MRAP: variants seen among roughly 807,000 people sequenced by gnomAD.
The protein encoded by MRAP is melanocortin-2 receptor accessory protein.
In MRAP, 8 loss-of-function variants were observed where a neutral mutation model predicts 8.7. That is an observed-to-expected ratio of 0.92 (90% CI 0.54 to 1.66). The LOEUF (loss-of-function observed/expected upper bound fraction) is 1.66, where lower values mean the gene tolerates loss of function less well. MRAP is among the 40% of genes most tolerant of loss of function. The pLI is 0.00. For synonymous variants in MRAP, 95 were observed against 95.5 expected (o/e 1.00, Z 0.03); for missense variants, 237 against 217.1 (o/e 1.09, Z -0.58).
intron 1 of MRAP, among the ~76,000 whole-genome samples, chr21:32,305,407 C>G (rs1400670948): frequency 6.6e-6 from 1 of 152,178 alleles, no homozygotes; most frequent in Non-Finnish European, 1.5e-5. Flanking sequence ...AATCTTCACC[C>G]CAGAGCCTCC....
intron 1 of MRAP, among the ~76,000 whole-genome samples, chr21:32,300,471 CAG>C (rs567722829): frequency 3.6e-4 from 54 of 150,890 alleles, no homozygotes; most frequent in African/African-American, 6.6e-4. Context: ...CGTCTTATGT[CAG>C]GGGCGCCATG....
At chr21:32,294,136 A>G (rs1004705862), upstream of MRAP, among the ~76,000 whole-genome samples, 2 of 152,086 alleles carry the variant, frequency 1.3e-5, no homozygotes, top group African/African-American at 4.8e-5. Flanking sequence ...GTTTTTTGAG[A>G]CAGAGTCTTA....
chr21:32,296,742 A>C (rs938365842), upstream of MRAP, among the ~76,000 whole-genome samples: 6 of 152,210 alleles, frequency 3.9e-5, no homozygotes, highest in African/African-American at 1.4e-4. Context: ...CTAAACATAC[A>C]AAAAGTACAG....
intron 1 of MRAP, among the ~76,000 whole-genome samples, chr21:32,300,977 T>G (rs1313908765): frequency 6.8e-6 from 1 of 147,276 alleles, no homozygotes; most frequent in East Asian, 1.9e-4. Flanking sequence ...AGATGTATCA[T>G]ATTTCATATA....
At chr21:32,298,668 G>A (rs369617091), upstream of MRAP, among the ~76,000 whole-genome samples, 37 of 152,276 alleles carry the variant, frequency 2.4e-4, no homozygotes, top group East Asian at 6.0e-3. Context: ...TCCTCACACA[G>A]AGAGGGATCC....
chr21:32,300,992 GAT>G (rs200136228), intron 1 of MRAP, among the ~76,000 whole-genome samples: 2,743 of 140,828 alleles, frequency 0.019, 81 homozygotes, highest in African/African-American at 0.073. Flanking sequence ...CATATATCAT[GAT>G]ATATGATATG....
intron 1 of MRAP, among the ~76,000 whole-genome samples, chr21:32,301,314 T>C (rs1001822262): frequency 6.6e-5 from 10 of 152,284 alleles, no homozygotes; most frequent in Admixed American, 5.2e-4. Flanking sequence ...GTGTGATGTG[T>C]GGGTTAGCAC....
At chr21:32,293,625 C>T (rs1397297615) in intron 2 of MRAP, among the ~76,000 whole-genome samples, 1 of 152,190 alleles carries the variant, frequency 6.6e-6, no homozygotes, top group Admixed American at 6.5e-5. Flanking sequence ...CTCTAGATTT[C>T]TCCCTTCTAC....
At chr21:32,312,826 T>C (rs1601113168), downstream of MRAP, 1 of 152,358 alleles carries the variant, frequency 6.6e-6, no homozygotes, top group East Asian at 1.9e-4. Context: ...ATAGGTTTTA[T>C]TTTTAAAATA....
chr21:32,301,829 C>G (rs1164777966), intron 1 of MRAP, among the ~76,000 whole-genome samples: 1 of 152,136 alleles, frequency 6.6e-6, no homozygotes, highest in African/African-American at 2.4e-5. Flanking sequence ...ACAGTCTGTT[C>G]CTCTGCTTCT....
upstream of MRAP, among the ~76,000 whole-genome samples, chr21:32,296,153 C>T (rs896036155): frequency 2.6e-5 from 4 of 152,262 alleles, no homozygotes; most frequent in South Asian, 2.1e-4. Context: ...TTCTGTGCCT[C>T]GGTGGTATCC....
intron 1 of MRAP, among the ~76,000 whole-genome samples, chr21:32,305,550 G>A (rs1259690565): frequency 6.6e-6 from 1 of 152,140 alleles, no homozygotes; most frequent in African/African-American, 2.4e-5. Context: ...GTTGGGGGTG[G>A]AACATTGTGG....
Position 32,306,759 on chromosome 21 carries a change from A to C in MRAP, c.206+20A>C, listed in dbSNP as rs957167453. ...GATGAGGTGGGTAAGAAGGGGTGTG[A>C]GTCTGTGGGTCACTCAGACGCTCTC... On this transcript the variant is annotated intron_variant, in intron 2 of 2. Coordinates refer to ENST00000303645, the MANE Select transcript of MRAP (RefSeq NM_001379228.1). 1.9e-5 allele frequency: 31 copies of C among 1,593,688 alleles called. No homozygotes were observed. Among genetic ancestry groups the C allele is most frequent in the Admixed American group, 5.0e-5 (3 of 59,960 alleles).
In MRAP at chr21:32,306,709, A is replaced by G. The variant is rs2032427183; in HGVS notation, c.176A>G (p.Tyr59Cys). The G allele has an allele frequency of 1.9e-6, 3 of 1,613,904 alleles. No individual in the cohort carries two copies. In the Admixed American group the frequency reaches 5.0e-5, roughly 27 times the overall value. The change falls in exon 2 of 3, where the codon TAC becomes TGC. Residue 59 changes from tyrosine to cysteine, a missense_variant. Coordinates refer to ENST00000303645, the MANE Select transcript of MRAP (RefSeq NM_001379228.1). ...GTGCTGCTCTTCCTCATCTTGCTCT[A>G]CATGTCCTGGTCCGCCTCCCCGCAG... is the stretch of plus-strand genomic sequence containing the variant. ...FVVLLFLILL[Y>C]MSWSASPQMR...
intron 1 of MRAP, 92 bp downstream of exon 1, chr21:32,299,169 T>A: frequency 2.2e-6 from 2 of 890,656 alleles, no homozygotes; most frequent in East Asian, 2.6e-5. Flanking sequence ...ATTCACTTAT[T>A]AACTCCGGTA....
At position 32,306,456 on chromosome 21, in the gene MRAP, C is replaced by T. The variant is rs2032419302; in HGVS notation, c.107-184C>T. The T allele has an allele frequency of 5.6e-5, 37 of 660,802 alleles. No homozygotes were observed. The South Asian group carries it at 5.8e-4, about 10-fold the overall frequency. 40.9% of individuals were successfully genotyped at this position (660,802 alleles called of 1,614,324 possible). A position where few individuals can be genotyped will look rare whatever the true frequency, so the allele number is the denominator to read the frequency against. ...CCCTGAGGAAAAAGACACTTCTTGG[C>T]TCCCCTGTTCTTTCCCAAAGTTATT... On this transcript the variant is annotated intron_variant, in intron 1 of 2. Coordinates refer to ENST00000303645, the MANE Select transcript of MRAP (RefSeq NM_001379228.1).
intron 2 of MRAP, among the ~76,000 whole-genome samples, chr21:32,309,457 TTTTTTG>T (rs2032500332): frequency 1.3e-5 from 2 of 150,204 alleles, no homozygotes; most frequent in African/African-American, 5.0e-5. Flanking sequence ...TCATTTTTTT[TTTTTTG>T]TTTTTGAGAC....
At chr21:32,300,917 G>C (rs1447364863) in intron 1 of MRAP, among the ~76,000 whole-genome samples, 1 of 152,010 alleles carries the variant, frequency 6.6e-6, no homozygotes, top group Non-Finnish European at 1.5e-5. Context: ...ATGTGTCTAT[G>C]TGTCATGATA....
At chr21:32,305,760 T>C (rs999971959) in intron 1 of MRAP, among the ~76,000 whole-genome samples, 6 of 152,146 alleles carry the variant, frequency 3.9e-5, no homozygotes, top group African/African-American at 1.4e-4. Flanking sequence ...GATAAGACAC[T>C]TGCAGACCCT....
Sources: allele counts gnomAD v4.1 joint callset (sites outside exome capture counted in the v4.1 genomes callset), GRCh38; gene constraint gnomAD v4.1.1; transcripts MANE v1.5; gene names NCBI Gene and HGNC (gene_info 2026-07-23, HGNC 2026-07-21).